The following GPM6A variants were observed in gnomAD, a reference collection of about 807,000 sequenced individuals.
The protein encoded by GPM6A is glycoprotein M6A, also known as neuronal membrane glycoprotein M6-a.
In GPM6A, 7 loss-of-function variants were observed where a neutral mutation model predicts 32.1. That is an observed-to-expected ratio of 0.22 (90% CI 0.12 to 0.41). The LOEUF is 0.41. GPM6A is among the 10% of genes least tolerant of loss of function. The probability of loss-of-function intolerance (pLI) is 1.00; values close to 1 mark genes in which losing one functional copy is unlikely to be tolerated. For synonymous variants in GPM6A, 130 were observed against 123.4 expected, an observed-to-expected ratio of 1.05 and a Z score of -0.35; for missense variants, 235 against 347.2, an observed-to-expected ratio of 0.68 and a Z score of 2.57.
intron 6 of GPM6A, among the ~76,000 whole-genome samples, chr4:175,636,243 G>A (rs1740578257): frequency 7.6e-6 from 1 of 130,794 alleles, no homozygotes; most frequent in South Asian, 2.4e-4. Flanking sequence ...CATTTACATA[G>A]TGAAAGCATA....
intron 1 of GPM6A, among the ~76,000 whole-genome samples, chr4:175,727,940 G>A (rs1305136411): frequency 7.0e-6 from 1 of 143,822 alleles, no homozygotes; most frequent in Non-Finnish European, 1.5e-5. Context: ...GGAGACCAGT[G>A]TTACCGTGAG....
At chr4:175,970,745 T>C in intron 1 of GPM6A, 1 of 392,004 alleles carries the variant, frequency 2.6e-6, no homozygotes, top group South Asian at 1.9e-5. Flanking sequence ...AAATAAAAGG[T>C]CACATTAAAA....
chr4:175,698,688 T>C (rs1744708947), intron 2 of GPM6A, among the ~76,000 whole-genome samples: 1 of 152,222 alleles, frequency 6.6e-6, no homozygotes, highest in African/African-American at 2.4e-5. Context: ...GCAGGGCCTG[T>C]ATAAGGAATT....
Position 175,910,960 on chromosome 4 carries a change from C to T in GPM6A, c.-23+91349G>A, listed in dbSNP as rs930315272. 3.9e-5 allele frequency among the ~76,000 whole-genome samples: 6 copies of T among 152,262 alleles called. No individual in the cohort carries two copies. In the East Asian group the frequency reaches 1.2e-3, roughly 29 times the overall value. On this transcript the variant is annotated intron_variant, in intron 1 of 7. Transcript: ENST00000280187. ...TTGGCCCGAGGTCTTGGCATGCCAA[C>T]CTCTCCCTCAGACAGCCTTAAATAA...
chr4:175,675,268 C>A (rs536206943), intron 2 of GPM6A, among the ~76,000 whole-genome samples: 2 of 150,806 alleles, frequency 1.3e-5, no homozygotes, highest in African/African-American at 4.8e-5. Context: ...ATATATATAT[C>A]TGCATGATCA....
chr4:175,737,585 C>T (rs1485837689), intron 1 of GPM6A, among the ~76,000 whole-genome samples: 3 of 152,132 alleles, frequency 2.0e-5, no homozygotes, highest in African/African-American at 4.8e-5. Flanking sequence ...AAGAACTTTC[C>T]ACATTACATG....
At chr4:175,866,749 G>A (rs1187609261) in intron 1 of GPM6A, among the ~76,000 whole-genome samples, 1 of 152,162 alleles carries the variant, frequency 6.6e-6, no homozygotes, top group Non-Finnish European at 1.5e-5. Flanking sequence ...ATTTTGTGTA[G>A]ACATGTTCCC....
At position 175,838,149 on chromosome 4, in the gene GPM6A, GTAA is replaced by G. The variant is rs1054569763; in HGVS notation, c.-22-25903_-22-25901del. Reference sequence around the variant, plus strand: ...CACACACACACACACACGCACCCCTGTAATAATGACTTACATCATCAGTTCTGC... The same window carrying G: ...CACACACACACACACACGCACCCCTGTAATGACTTACATCATCAGTTCTGC... On this transcript the variant is annotated intron_variant, in intron 1 of 7. Transcript: ENST00000280187. Among the ~76,000 whole-genome samples, 8 of 143,582 alleles carry G rather than the reference GTAA, an allele frequency of 5.6e-5. No individual in the cohort carries two copies. The South Asian group carries it at 1.3e-3, about 24-fold the overall frequency. 94.2% of individuals were successfully genotyped at this position (143,582 alleles called of 152,430 possible).
chr4:175,898,206 A>T (rs1290034791), intron 1 of GPM6A, among the ~76,000 whole-genome samples: 1 of 152,168 alleles, frequency 6.6e-6, no homozygotes, highest in East Asian at 1.9e-4. Context: ...AAAATGATCT[A>T]TGTAAAATGT....
intron 1 of GPM6A, among the ~76,000 whole-genome samples, chr4:175,856,459 G>A (rs1736420467): frequency 6.6e-6 from 1 of 152,196 alleles, no homozygotes; most frequent in Admixed American, 6.5e-5. Context: ...GCATCTAGGG[G>A]TTGCCCACGA....
intron 1 of GPM6A, among the ~76,000 whole-genome samples, chr4:175,867,741 T>G (rs896312085): frequency 2.6e-5 from 4 of 152,206 alleles, no homozygotes; most frequent in African/African-American, 9.6e-5. Context: ...TTTATTCTTT[T>G]CCTTCAAAGT....
intron 1 of GPM6A, among the ~76,000 whole-genome samples, chr4:175,828,440 A>G (rs1000396771): frequency 2.0e-5 from 3 of 152,230 alleles, no homozygotes; most frequent in Non-Finnish European, 4.4e-5. Flanking sequence ...TGAAATAGAA[A>G]AAAACTAAGA....
chr4:175,685,985 T>C (rs1163585351), intron 2 of GPM6A, among the ~76,000 whole-genome samples: 2 of 152,154 alleles, frequency 1.3e-5, no homozygotes, highest in Non-Finnish European at 2.9e-5. Context: ...CTTAGAAATA[T>C]GCTTTCTTTT....
intron 1 of GPM6A, among the ~76,000 whole-genome samples, chr4:175,736,211 T>C (rs1000127537): frequency 1.3e-5 from 2 of 152,078 alleles, no homozygotes; most frequent in Non-Finnish European, 2.9e-5. Context: ...AGATGGCATC[T>C]TGCTATGTTG....
chr4:175,896,966 A>C lies in GPM6A; in HGVS notation c.-22-84717T>G, dbSNP rs556859686. On this transcript the variant is annotated intron_variant, in intron 1 of 7. Transcript: ENST00000280187. ...TATATTCACTGAAAATGTTTAATTCAAGATGATTAACTCAAGCACTTAAAG... is the reference window on the plus strand; with the variant it reads ...TATATTCACTGAAAATGTTTAATTCCAGATGATTAACTCAAGCACTTAAAG... Among the ~76,000 whole-genome samples, 4 of 152,272 alleles carry C rather than the reference A, an allele frequency of 2.6e-5. No individual in the cohort carries two copies. In the South Asian group the frequency reaches 8.3e-4, roughly 32 times the overall value.
At chr4:175,691,500 A>C (rs924433421) in intron 2 of GPM6A, among the ~76,000 whole-genome samples, 1 of 152,240 alleles carries the variant, frequency 6.6e-6, no homozygotes, top group Non-Finnish European at 1.5e-5. Flanking sequence ...TATTTTAATT[A>C]ATTCCACAAA....
At chr4:175,900,382 G>A (rs1416475755) in intron 1 of GPM6A, among the ~76,000 whole-genome samples, 1 of 145,846 alleles carries the variant, frequency 6.9e-6, no homozygotes, top group Non-Finnish European at 1.5e-5. Context: ...GGAAAGGAAA[G>A]GAAAGGAAAA....
At chr4:175,993,150 T>C (rs1579693868) in intron 1 of GPM6A, among the ~76,000 whole-genome samples, 2 of 143,084 alleles carry the variant, frequency 1.4e-5, no homozygotes, top group East Asian at 2.2e-4. Context: ...CTCCCCTCTC[T>C]CCCTCCCCTC....
chr4:175,790,646 C>A lies in GPM6A; in HGVS notation c.37+21545G>T, dbSNP rs114662575. Among the ~76,000 whole-genome samples the A allele has an allele frequency of 9.9e-3, 1,509 of 152,236 alleles. 17 individuals are homozygous for A. The highest frequency in any genetic ancestry group is 0.017 in the Non-Finnish European group (1,157 of 68,000). On this transcript the variant is annotated intron_variant, in intron 1 of 6. Transcript: ENST00000393658. ...CAAAATGGAAGTCACTCTATCTCAA[C>A]ACGATTTTAATTTTATATTGTACAA...
Sources: gnomAD v4.1 joint callset for allele counts (sites outside exome capture counted in the v4.1 genomes callset) on GRCh38, gnomAD v4.1.1 for gene constraint, MANE v1.5 for transcripts, NCBI Gene and HGNC (gene_info 2026-07-23, HGNC 2026-07-21) for gene names.